The following CPEB3 variants were observed in gnomAD, a reference collection of about 807,000 sequenced individuals.
The protein encoded by CPEB3 is cytoplasmic polyadenylation element-binding protein 3.
Under a neutral mutation model 67.2 loss-of-function variants are expected in CPEB3, and 20 were observed. The observed-to-expected ratio is 0.30, with a 90% confidence interval of 0.21 to 0.43. The LOEUF is 0.43. Ranked by LOEUF, CPEB3 falls within the 20% of genes least tolerant of loss-of-function variation. The pLI, the probability that CPEB3 is intolerant of heterozygous loss-of-function variation, is 1.00. For synonymous variants in CPEB3, 376 were observed against 393.1 expected, an observed-to-expected ratio of 0.96 and a Z score of 0.51; for missense variants, 746 against 968.6, an observed-to-expected ratio of 0.77 and a Z score of 3.05.
At chr10:92,284,114 C>T (rs1169438230) in intron 1 of CPEB3, among the ~76,000 whole-genome samples, 3 of 149,742 alleles carry the variant, frequency 2.0e-5, no homozygotes, top group Admixed American at 6.7e-5. Context: ...TCTCGGCTCA[C>T]TGCAACCTCC....
At chr10:92,126,519 G>T (rs944040403) in intron 6 of CPEB3, among the ~76,000 whole-genome samples, 1 of 152,186 alleles carries the variant, frequency 6.6e-6, no homozygotes, top group Non-Finnish European at 1.5e-5. Context: ...AGCTATGTGA[G>T]TATGACAAAC....
At chr10:92,200,153 C>T (rs1564859930) in intron 2 of CPEB3, among the ~76,000 whole-genome samples, 1 of 152,182 alleles carries the variant, frequency 6.6e-6, no homozygotes, top group African/African-American at 2.4e-5. Context: ...GGAAAATTAT[C>T]AGCATCTACT....
At chr10:92,089,440 T>A (rs1843520086) in intron 8 of CPEB3, among the ~76,000 whole-genome samples, 1 of 152,106 alleles carries the variant, frequency 6.6e-6, no homozygotes, top group Admixed American at 6.6e-5. Context: ...ACTATCCACA[T>A]AACTATAAAA....
chr10:92,091,658 G>A (rs74149373), intron 8 of CPEB3, among the ~76,000 whole-genome samples, 172 bp downstream of exon 8: 2,198 of 152,268 alleles, frequency 0.014, 51 homozygotes, highest in African/African-American at 0.049. Flanking sequence ...ACAAAATAGA[G>A]CATTTTGGGA....
At chr10:92,230,026 A>G (rs1447527920) in intron 2 of CPEB3, among the ~76,000 whole-genome samples, 1 of 152,180 alleles carries the variant, frequency 6.6e-6, no homozygotes, top group Non-Finnish European at 1.5e-5. Context: ...AGCCTAGGCA[A>G]CGAGAGCGAA....
intron 4 of CPEB3, among the ~76,000 whole-genome samples, chr10:92,153,353 T>C (rs1333498254): frequency 6.6e-6 from 1 of 152,236 alleles, no homozygotes; most frequent in Non-Finnish European, 1.5e-5. Context: ...AATATATTTT[T>C]TATGAACTAA....
At chr10:92,111,317 G>A (rs1322663530) in intron 6 of CPEB3, 123 bp from the exon 7 acceptor site, 1 of 706,466 alleles carries the variant, frequency 1.4e-6, no homozygotes, top group Admixed American at 2.2e-5. Flanking sequence ...AAGTTCAAGT[G>A]GGACAAAGGG....
chr10:92,190,902 C>T (rs1848948969), intron 3 of CPEB3, among the ~76,000 whole-genome samples: 1 of 151,918 alleles, frequency 6.6e-6, no homozygotes, highest in African/African-American at 2.4e-5. Flanking sequence ...GGCAGCATTA[C>T]CTAATAATGG....
rs1329526579 is a variant in CPEB3, at chr10:92,224,974, CT to C, written c.1005+14371del. 1.1e-3 allele frequency among the ~76,000 whole-genome samples: 153 copies of C among 140,052 alleles called. 1 individual carries two copies. The highest frequency in any genetic ancestry group is 1.2e-3 in the Non-Finnish European group (77 of 64,052). The allele number at this position is 140,052 out of a possible 152,430, so 91.9% of individuals were successfully genotyped here. On this transcript the variant is annotated intron_variant, in intron 2 of 9. Coordinates refer to ENST00000265997, the MANE Select transcript of CPEB3 (RefSeq NM_014912.5). Reference sequence around the variant, plus strand: ...AAATGAACCCTACCCCATTTTCTTTCTTTTTTTTTTTTATTTTTTGAGGTGG... The same window carrying C: ...AAATGAACCCTACCCCATTTTCTTTCTTTTTTTTTTTATTTTTTGAGGTGG...
intron 6 of CPEB3, among the ~76,000 whole-genome samples, chr10:92,117,361 G>A (rs1419845951): frequency 1.6e-4 from 18 of 113,916 alleles, no homozygotes; most frequent in East Asian, 2.6e-4. Flanking sequence ...AAGGAGTCTC[G>A]CTCTGTTGCC....
At chr10:92,147,393 T>C (rs2011483) in intron 4 of CPEB3, among the ~76,000 whole-genome samples, 48,926 of 151,688 alleles carry the variant, frequency 0.32, 8,262 homozygotes, top group Admixed American at 0.43. Flanking sequence ...GAGGTAGAGG[T>C]TGCAGTGAGC....
At chr10:92,165,042 A>T (rs574563204) in intron 4 of CPEB3, among the ~76,000 whole-genome samples, 7 of 152,220 alleles carry the variant, frequency 4.6e-5, no homozygotes, top group Admixed American at 3.9e-4. Context: ...CAAGTCACAC[A>T]ATTTTTTTAT....
chr10:92,056,620 T>C (rs1842123091), intron 9 of CPEB3, among the ~76,000 whole-genome samples: 1 of 152,190 alleles, frequency 6.6e-6, no homozygotes, highest in Non-Finnish European at 1.5e-5. Flanking sequence ...GCTACAGTGC[T>C]CTGTGTCTTT....
chr10:92,243,578 T>A (rs1851937982), intron 1 of CPEB3, among the ~76,000 whole-genome samples: 1 of 152,016 alleles, frequency 6.6e-6, no homozygotes, highest in African/African-American at 2.4e-5. Flanking sequence ...CCTTAAATGG[T>A]TAGAATGGTA....
In CPEB3 at chr10:92,181,226, T is replaced by TA. The variant is rs201607487; in HGVS notation, c.1166-208dup. On this transcript the variant is annotated intron_variant, in intron 3 of 9. Transcript: ENST00000265997. Reference sequence around the variant, plus strand: ...AGCCAAAGTTTCAACAACAAATAAATAAAAAAAAACAAAAAAAGAAGCTTC... The same window carrying TA: ...AGCCAAAGTTTCAACAACAAATAAATAAAAAAAAAACAAAAAAAGAAGCTTC... 4.3e-3 allele frequency among the ~76,000 whole-genome samples: 633 copies of TA among 148,208 alleles called. 6 individuals are homozygous for TA. Among genetic ancestry groups the TA allele is most frequent in the African/African-American group, 0.013 (538 of 40,456 alleles).
intron 2 of CPEB3, among the ~76,000 whole-genome samples, chr10:92,203,442 G>C (rs1849621394): frequency 7.0e-6 from 1 of 143,064 alleles, no homozygotes; most frequent in African/African-American, 2.6e-5. Flanking sequence ...ATATGTATAT[G>C]TATATATATA....
chr10:92,263,829 TTTAAAA>T (rs769982855), intron 1 of CPEB3, among the ~76,000 whole-genome samples: 8 of 152,078 alleles, frequency 5.3e-5, no homozygotes, highest in Non-Finnish European at 8.8e-5. Context: ...CTAGCCAGAT[TTTAAAA>T]TTAGTTTTAA....
chr10:92,206,571 C>CA (rs1849801920), intron 2 of CPEB3, among the ~76,000 whole-genome samples: 2 of 152,168 alleles, frequency 1.3e-5, no homozygotes, highest in South Asian at 4.1e-4. Flanking sequence ...CATGCCAACA[C>CA]ACCTGGCTAT....
chr10:92,224,179 C>T (rs917571385), intron 2 of CPEB3, among the ~76,000 whole-genome samples: 2 of 152,172 alleles, frequency 1.3e-5, no homozygotes, highest in East Asian at 1.9e-4. Context: ...GGATTACAGG[C>T]GTGAGCCACC....
Sources: gnomAD v4.1 joint callset for allele counts (sites outside exome capture counted in the v4.1 genomes callset) on GRCh38, gnomAD v4.1.1 for gene constraint, MANE v1.5 for transcripts, NCBI Gene and HGNC (gene_info 2026-07-23, HGNC 2026-07-21) for gene names.